Variants in SPIDR observed in about 807,000 individuals in gnomAD.
The protein encoded by SPIDR is scaffold protein involved in DNA repair.
A neutral mutation model predicts 104.6 loss-of-function variants in SPIDR; 93 were observed. The observed-to-expected ratio is 0.89, with a 90% confidence interval of 0.75 to 1.06. The LOEUF is 1.06. Ranked by LOEUF, SPIDR falls within the 50% of genes least tolerant of loss-of-function variation. The pLI, the probability that SPIDR is intolerant of heterozygous loss-of-function variation, is 0.00. For synonymous variants in SPIDR, 431 were observed against 416.9 expected, an observed-to-expected ratio of 1.03 and a Z score of -0.41; for missense variants, 1,154 against 1,111.2, an observed-to-expected ratio of 1.04 and a Z score of -0.55.
intron 8 of SPIDR, among the ~76,000 whole-genome samples, chr8:47,480,650 G>A (rs782480990): frequency 1.1e-4 from 16 of 152,138 alleles, no homozygotes; most frequent in South Asian, 6.2e-4. Flanking sequence ...CTCAGGGATC[G>A]GCGCACAGCC....
At chr8:47,489,188 A>AT (rs2154365672) in intron 8 of SPIDR, among the ~76,000 whole-genome samples, 1 of 152,348 alleles carries the variant, frequency 6.6e-6, no homozygotes, top group South Asian at 2.1e-4. Flanking sequence ...AAAAATCACA[A>AT]GCATTCTTAT....
intron 5 of SPIDR, among the ~76,000 whole-genome samples, chr8:47,330,078 T>G (rs2048393871): frequency 6.6e-6 from 1 of 152,220 alleles, no homozygotes; most frequent in African/African-American, 2.4e-5. Flanking sequence ...TCCTTCAGCC[T>G]TAAGAAATTC....
At chr8:47,315,009 G>A (rs1359218346) in intron 5 of SPIDR, among the ~76,000 whole-genome samples, 2 of 152,072 alleles carry the variant, frequency 1.3e-5, no homozygotes, top group Non-Finnish European at 2.9e-5. Flanking sequence ...TAGATAAGTA[G>A]ACTTCAAGAC....
At chr8:47,681,642 T>C (rs1220878551) in intron 11 of SPIDR, among the ~76,000 whole-genome samples, 2 of 152,212 alleles carry the variant, frequency 1.3e-5, no homozygotes, top group African/African-American at 4.8e-5. Flanking sequence ...AAATCATTAT[T>C]AGAATTTATA....
intron 10 of SPIDR, among the ~76,000 whole-genome samples, chr8:47,658,333 G>C (rs1159630459): frequency 6.6e-6 from 1 of 150,956 alleles, no homozygotes; most frequent in Admixed American, 6.6e-5. Context: ...TAGGAGAATC[G>C]CTTGAACCCA....
intron 5 of SPIDR, among the ~76,000 whole-genome samples, chr8:47,389,780 A>G (rs1376309330): frequency 6.6e-6 from 1 of 151,936 alleles, no homozygotes; most frequent in Admixed American, 6.6e-5. Flanking sequence ...GCAACCTATC[A>G]GGAATAACTG....
intron 8 of SPIDR, among the ~76,000 whole-genome samples, chr8:47,515,923 C>T (rs538284868): frequency 1.7e-4 from 26 of 152,226 alleles, no homozygotes; most frequent in Non-Finnish European, 3.1e-4. Flanking sequence ...GATTCTCCTG[C>T]CTCAGCCTCC....
intron 11 of SPIDR, among the ~76,000 whole-genome samples, chr8:47,691,372 C>T (rs1415908608): frequency 2.0e-5 from 3 of 151,500 alleles, no homozygotes; most frequent in African/African-American, 7.3e-5. Flanking sequence ...GGAAATGTTT[C>T]GTAAGTTCCC....
chr8:47,509,305 C>T (rs915677236), intron 8 of SPIDR, among the ~76,000 whole-genome samples: 1 of 152,146 alleles, frequency 6.6e-6, no homozygotes, highest in Non-Finnish European at 1.5e-5. Context: ...CAATGCTGGC[C>T]GGAATTCCTG....
chr8:47,293,581 G>T (rs2040323179), intron 4 of SPIDR, among the ~76,000 whole-genome samples: 1 of 152,068 alleles, frequency 6.6e-6, no homozygotes, highest in Admixed American at 6.6e-5. Flanking sequence ...TGAGTAGCTG[G>T]GACTATAGGT....
At chr8:47,645,969 C>T (rs2070268444) in intron 10 of SPIDR, among the ~76,000 whole-genome samples, 1 of 152,030 alleles carries the variant, frequency 6.6e-6, no homozygotes, top group African/African-American at 2.4e-5. Context: ...ATTCAACATC[C>T]ATGGATCCAA....
chr8:47,655,674 T>C (rs2072639217), intron 10 of SPIDR, among the ~76,000 whole-genome samples: 1 of 152,206 alleles, frequency 6.6e-6, no homozygotes, highest in Non-Finnish European at 1.5e-5. Flanking sequence ...ATTCTGTAGG[T>C]TGCCTGTTCA....
intron 8 of SPIDR, among the ~76,000 whole-genome samples, chr8:47,453,754 C>A (rs1446951227): frequency 2.0e-5 from 3 of 151,856 alleles, no homozygotes; most frequent in African/African-American, 7.3e-5. Context: ...GCATAAAAAC[C>A]CTAGAAGAAA....
At chr8:47,316,828 T>C (rs900724978) in intron 5 of SPIDR, among the ~76,000 whole-genome samples, 2 of 152,208 alleles carry the variant, frequency 1.3e-5, no homozygotes, top group African/African-American at 4.8e-5. Context: ...TTTTATTGTA[T>C]ATAAAACCTA....
chr8:47,276,154 C>A (rs982673341), intron 1 of SPIDR, among the ~76,000 whole-genome samples: 3 of 152,168 alleles, frequency 2.0e-5, no homozygotes, highest in Non-Finnish European at 4.4e-5. Context: ...AGCCACCATG[C>A]CTTGCCTGTT....
intron 8 of SPIDR, among the ~76,000 whole-genome samples, chr8:47,534,208 A>G (rs1226842349): frequency 1.3e-5 from 2 of 152,170 alleles, no homozygotes; most frequent in Admixed American, 1.3e-4. Flanking sequence ...AGTCGATTAA[A>G]CCTCTTCTCT....
chr8:47,293,926 G>A lies in SPIDR; in HGVS notation c.421G>A (p.Asp141Asn). 6.2e-7 allele frequency: 1 copy of A among 1,614,150 alleles called. No individual in the cohort carries two copies. Among genetic ancestry groups the A allele is most frequent in the Admixed American group, 1.7e-5 (1 of 60,012 alleles). ...DSDRAEASDCDEFEDDEGAVE... is the reference protein window; with the variant it reads ...DSDRAEASDCNEFEDDEGAVE... ...TGACAGGGCAGAGGCTAGTGACTGTGATGAATTTGAAGATGACGAGGGTGC... is the reference window on the plus strand; with the variant it reads ...TGACAGGGCAGAGGCTAGTGACTGTAATGAATTTGAAGATGACGAGGGTGC... The change falls in exon 5 of 20, where the codon GAT (aspartate) becomes AAT (asparagine). Residue 141 changes from aspartate to asparagine, a missense_variant. Physicochemically the swap from Asp to Asn is conservative, Grantham distance 23. Transcript: ENST00000297423.
At chr8:47,583,669 T>C (rs1237734319) in intron 8 of SPIDR, among the ~76,000 whole-genome samples, 1 of 152,238 alleles carries the variant, frequency 6.6e-6, no homozygotes, top group Non-Finnish European at 1.5e-5. Context: ...TGATTTCCTC[T>C]GCCTGCTAAT....
rs868950257 is a variant in SPIDR, at chr8:47,482,127, G to A, written c.1097+41585G>A. Among the ~76,000 whole-genome samples the A allele has an allele frequency of 3.9e-5, 6 of 152,276 alleles. No homozygotes were observed. In the South Asian group the frequency reaches 6.2e-4, roughly 16 times the overall value. The stretch of plus-strand genomic sequence containing the variant: ...CTGAAGTACGTACTTCCCTTCTGTT[G>A]CTGATATTGTCATGAGCAGTTCCAC... On this transcript the variant is annotated intron_variant, in intron 8 of 19. Transcript: ENST00000297423.
Sources: allele counts gnomAD v4.1 joint callset (sites outside exome capture counted in the v4.1 genomes callset), GRCh38; gene constraint gnomAD v4.1.1; transcripts MANE v1.5; gene names NCBI Gene and HGNC (gene_info 2026-07-23, HGNC 2026-07-21).